HSD17B12: variants seen among roughly 807,000 people sequenced by gnomAD.
The protein encoded by HSD17B12 is very-long-chain 3-oxoacyl-CoA reductase.
A neutral mutation model predicts 39.3 loss-of-function variants in HSD17B12; 32 were observed. The observed-to-expected ratio is 0.81, with a 90% CI of 0.61 to 1.09. The LOEUF (loss-of-function observed/expected upper bound fraction) is 1.09, where lower values mean the gene tolerates loss of function less well. HSD17B12 is among the 50% of genes least tolerant of loss of function. The pLI, the probability that HSD17B12 is intolerant of heterozygous loss-of-function variation, is 0.00. For missense variants in HSD17B12, 342 were observed against 382.9 expected, an observed-to-expected ratio of 0.89 and a Z score of 0.89; for synonymous variants, 150 against 146.7, an observed-to-expected ratio of 1.02 and a Z score of -0.16.
the HSD17B12 span, among the ~76,000 whole-genome samples, chr11:43,580,326 G>C: frequency 2.9e-5 from 4 of 139,958 alleles, no homozygotes; most frequent in Non-Finnish European, 4.5e-5. Flanking sequence ...TCAATGACGG[G>C]TTCGCCCCTT....
chr11:43,779,390 T>A (rs1950742558), intron 3 of HSD17B12, among the ~76,000 whole-genome samples: 1 of 152,212 alleles, frequency 6.6e-6, no homozygotes, highest in Admixed American at 6.6e-5. Context: ...AAAACAGTGT[T>A]CTATTTTGGA....
intron 1 of HSD17B12, among the ~76,000 whole-genome samples, chr11:43,741,721 T>C (rs544662140): frequency 6.6e-6 from 1 of 151,112 alleles, no homozygotes; most frequent in South Asian, 2.1e-4. Context: ...TGAGGGATTT[T>C]CTTTTTCTTT....
chr11:43,657,171 C>T, the HSD17B12 span, among the ~76,000 whole-genome samples: 1 of 152,114 alleles, frequency 6.6e-6, no homozygotes, highest in Non-Finnish European at 1.5e-5. Context: ...TTCTTTGTCT[C>T]TTTTGATCTT....
chr11:43,585,878 G>T, the HSD17B12 span, among the ~76,000 whole-genome samples: 1 of 152,140 alleles, frequency 6.6e-6, no homozygotes, highest in African/African-American at 2.4e-5. Flanking sequence ...TGCCTGAAAG[G>T]TAATCTCTTC....
At position 43,690,385 on chromosome 11, in the gene HSD17B12, TATATA is replaced by T. The variant is rs1949846310; in HGVS notation, c.160+9399_160+9403del. Among the ~76,000 whole-genome samples, 48 of 15,114 alleles carry T rather than the reference TATATA, an allele frequency of 3.2e-3. 4 individuals are homozygous for T. The highest frequency in any genetic ancestry group is 6.4e-3 in the African/African-American group (28 of 4,392). 9.9% of individuals were successfully genotyped at this position (15,114 alleles called of 152,430 possible). On this transcript the variant is annotated intron_variant, in intron 1 of 10. Transcript: ENST00000278353. ...ACATATATATATATATATATATATA[TATATA>T]TATATATATATATATTTTTTTTTTT...
At chr11:43,634,317 T>A in the HSD17B12 span, among the ~76,000 whole-genome samples, 2 of 152,094 alleles carry the variant, frequency 1.3e-5, no homozygotes, top group Non-Finnish European at 2.9e-5. Flanking sequence ...GGTAAAACTC[T>A]AGTCCTCCCA....
the HSD17B12 span, among the ~76,000 whole-genome samples, chr11:43,636,746 C>T: frequency 2.8e-4 from 42 of 152,238 alleles, 1 homozygote; most frequent in Admixed American, 2.1e-3. Flanking sequence ...CTTCACAACT[C>T]TATAGATATT....
At chr11:43,682,669 T>G (rs1949760797) in intron 1 of HSD17B12, among the ~76,000 whole-genome samples, 1 of 151,898 alleles carries the variant, frequency 6.6e-6, no homozygotes, top group African/African-American at 2.4e-5. Flanking sequence ...TTTGAAGACT[T>G]TTGACTACAA....
intron 1 of HSD17B12, among the ~76,000 whole-genome samples, chr11:43,708,173 A>G (rs903694373): frequency 9.2e-5 from 14 of 152,178 alleles, no homozygotes; most frequent in Admixed American, 4.6e-4. Context: ...ACCTAATAAA[A>G]CATGATATCC....
intron 1 of HSD17B12, among the ~76,000 whole-genome samples, chr11:43,698,580 A>G (rs1392331406): frequency 6.6e-6 from 1 of 152,228 alleles, no homozygotes; most frequent in Non-Finnish European, 1.5e-5. Context: ...ACCTGAGTTC[A>G]TATCTCATCT....
the HSD17B12 span, among the ~76,000 whole-genome samples, chr11:43,620,076 G>A: frequency 2.0e-5 from 3 of 152,186 alleles, no homozygotes; most frequent in African/African-American, 7.2e-5. Context: ...TGCAAACCAA[G>A]TGAAAGGACT....
chr11:43,763,601 TAA>T (rs960540899), intron 3 of HSD17B12, among the ~76,000 whole-genome samples: 20 of 144,102 alleles, frequency 1.4e-4, no homozygotes, highest in Middle Eastern at 3.7e-3. Context: ...TATATATATA[TAA>T]GGTTATCTTA....
chr11:43,644,249 G>C, the HSD17B12 span: 1 of 152,322 alleles, frequency 6.6e-6, no homozygotes, highest in Non-Finnish European at 1.5e-5. Context: ...TTCTTGCCGT[G>C]ATGGCCGCCG....
the HSD17B12 span, among the ~76,000 whole-genome samples, chr11:43,611,967 C>T: frequency 6.6e-6 from 1 of 152,160 alleles, no homozygotes; most frequent in African/African-American, 2.4e-5. Context: ...ATAGTAGGTT[C>T]TCAGCAAGTA....
At chr11:43,688,337 A>T (rs2134773670) in intron 1 of HSD17B12, among the ~76,000 whole-genome samples, 1 of 152,278 alleles carries the variant, frequency 6.6e-6, no homozygotes, top group South Asian at 2.1e-4. Context: ...GAAAAGTCTG[A>T]TCACTGTGGT....
chr11:43,713,734 G>A (rs1032408676), intron 1 of HSD17B12, among the ~76,000 whole-genome samples: 147 of 152,248 alleles, frequency 9.7e-4, no homozygotes, highest in African/African-American at 3.3e-3. Context: ...CTAGTTTACC[G>A]TCCCACCAAC....
chr11:43,734,228 A>G (rs999926094), intron 1 of HSD17B12: 13 of 1,500,532 alleles, frequency 8.7e-6, no homozygotes, highest in Non-Finnish European at 1.2e-5. Flanking sequence ...GCGAGCAGCC[A>G]CCTTTGGGTT....
chr11:43,583,595 A>G, the HSD17B12 span, among the ~76,000 whole-genome samples: 1 of 151,612 alleles, frequency 6.6e-6, no homozygotes, highest in East Asian at 1.9e-4. Context: ...TTCCCTCCTT[A>G]GGGCGGTTAT....
intron 1 of HSD17B12, among the ~76,000 whole-genome samples, chr11:43,713,139 T>G (rs1950085530): frequency 1.3e-5 from 2 of 152,216 alleles, no homozygotes; most frequent in Non-Finnish European, 1.5e-5. Context: ...TTTTAAATTT[T>G]TTTGTTATAC....
Sources: gnomAD v4.1 joint callset for allele counts (sites outside exome capture counted in the v4.1 genomes callset) on GRCh38, gnomAD v4.1.1 for gene constraint, MANE v1.5 for transcripts, NCBI Gene and HGNC (gene_info 2026-07-23, HGNC 2026-07-21) for gene names.